VPS13B: variants seen among roughly 807,000 people sequenced by gnomAD.
The protein encoded by VPS13B is vacuolar protein sorting 13 homolog B.
VPS13B carries 285 observed loss-of-function variants against 426.4 expected under a neutral mutation model. The ratio of observed to expected loss-of-function variants is 0.67; its 90% CI spans 0.61 to 0.74. The LOEUF (loss-of-function observed/expected upper bound fraction) is 0.74. VPS13B is among the 30% of genes least tolerant of loss of function. The pLI is 0.00. For missense variants in VPS13B, 4,537 were observed against 4,782.6 expected, an observed-to-expected ratio of 0.95 and a Z score of 1.51; for synonymous variants, 1,676 against 1,676.4, an observed-to-expected ratio of 1.00 and a Z score of 0.01.
intron 2 of VPS13B, among the ~76,000 whole-genome samples, chr8:99,028,840 GGGGGGCTGACCCCTTAAGTTAGCGCTTAT>G (rs773029335): frequency 0.85 from 8,167 of 9,626 alleles, 3,781 homozygotes; most frequent in Middle Eastern, 1. Context: ...CTGGCCGGGC[GGGGGGCTGACCCCTTAAGTTAGCGCTTAT>G]GGGGGCTGAC....
intron 21 of VPS13B, among the ~76,000 whole-genome samples, chr8:99,418,808 T>G (rs117772782): frequency 1.3e-3 from 194 of 152,334 alleles, no homozygotes; most frequent in Non-Finnish European, 2.4e-3. Flanking sequence ...GCCTGGTTTC[T>G]CTTCTGAGGA....
chr8:99,346,671 G>T, intron 19 of VPS13B: 1 of 178,444 alleles, frequency 5.6e-6, no homozygotes, highest in South Asian at 1.5e-4. Context: ...CTTGTCAAAA[G>T]GCTCCAGGAG....
intron 17 of VPS13B, among the ~76,000 whole-genome samples, chr8:99,270,282 G>A (rs1448279341): frequency 1.3e-5 from 2 of 150,954 alleles, no homozygotes; most frequent in East Asian, 2.0e-4. Context: ...GGAATTACAG[G>A]TGCTTGCCAC....
chr8:99,048,870 T>C (rs1843371349), intron 3 of VPS13B, among the ~76,000 whole-genome samples: 1 of 152,056 alleles, frequency 6.6e-6, no homozygotes, highest in Admixed American at 6.6e-5. Context: ...GTATTTAGGA[T>C]TCTGATATTT....
intron 35 of VPS13B, among the ~76,000 whole-genome samples, chr8:99,672,966 T>G (rs1446919019): frequency 1.3e-5 from 2 of 151,800 alleles, no homozygotes; most frequent in Non-Finnish European, 3.0e-5. Context: ...CATATGTTGA[T>G]CATACCTGTG....
intron 17 of VPS13B, among the ~76,000 whole-genome samples, chr8:99,237,460 G>A (rs1816704428): frequency 6.6e-6 from 1 of 152,058 alleles, no homozygotes; most frequent in South Asian, 2.1e-4. Context: ...TAAGCAACCA[G>A]GCTAATGTAA....
chr8:99,817,392 A>G, intron 44 of VPS13B, 148 bp from the exon 45 acceptor site: 1 of 1,084,846 alleles, frequency 9.2e-7, no homozygotes, highest in Non-Finnish European at 1.3e-6. Context: ...CTTGACTTCA[A>G]GTCTTTTTTC....
chr8:99,069,591 A>G (rs2132329337), intron 3 of VPS13B, among the ~76,000 whole-genome samples: 1 of 152,362 alleles, frequency 6.6e-6, no homozygotes, highest in East Asian at 1.9e-4. Context: ...GCATCTGTAT[A>G]CACAGATATT....
Position 99,208,175 on chromosome 8 carries a change from G to A in VPS13B, c.2515+15118G>A, listed in dbSNP as rs565315073. ...GAGCAAAAGAGAGAGTTGGGAGGAGGTGTCATGCACTTTAAAACAACATCT... is the reference window on the plus strand; with the variant it reads ...GAGCAAAAGAGAGAGTTGGGAGGAGATGTCATGCACTTTAAAACAACATCT... On this transcript the variant is annotated intron_variant, in intron 17 of 61. Coordinates refer to ENST00000357162, the MANE Select transcript of VPS13B (RefSeq NM_152564.5). Among the ~76,000 whole-genome samples, 46 of 152,228 alleles carry A rather than the reference G, an allele frequency of 3.0e-4. 1 individual carries two copies. The highest frequency in any genetic ancestry group is 2.7e-3 in the Admixed American group (41 of 15,294).
At chr8:99,455,110 A>G (rs996025924) in intron 23 of VPS13B, among the ~76,000 whole-genome samples, 7 of 152,112 alleles carry the variant, frequency 4.6e-5, no homozygotes, top group African/African-American at 1.7e-4. Flanking sequence ...TAATTTTAGT[A>G]AAGTCCAGCT....
intron 23 of VPS13B, among the ~76,000 whole-genome samples, chr8:99,454,595 C>T (rs906359610): frequency 6.6e-6 from 1 of 152,144 alleles, no homozygotes; most frequent in African/African-American, 2.4e-5. Flanking sequence ...CGCTATATAC[C>T]TCCATCTGCA....
At chr8:99,197,752 A>G (rs917158028) in intron 17 of VPS13B, among the ~76,000 whole-genome samples, 2 of 152,108 alleles carry the variant, frequency 1.3e-5, no homozygotes, top group African/African-American at 4.8e-5. Flanking sequence ...CTTCAGCTGC[A>G]TTTGATAGGT....
intron 35 of VPS13B, among the ~76,000 whole-genome samples, chr8:99,691,575 C>G (rs868618363): frequency 7.3e-5 from 11 of 151,650 alleles, no homozygotes; most frequent in African/African-American, 2.7e-4. Context: ...ACAGTGTCAG[C>G]CGCTGCAAAA....
chr8:99,026,516 G>A (rs573708577), intron 2 of VPS13B, among the ~76,000 whole-genome samples: 9 of 152,270 alleles, frequency 5.9e-5, no homozygotes, highest in South Asian at 4.1e-4. Context: ...TTCTGCCAGC[G>A]ATCTGTTCAA....
chr8:99,090,276 T>A (rs541421359), intron 3 of VPS13B, among the ~76,000 whole-genome samples: 8 of 151,614 alleles, frequency 5.3e-5, no homozygotes, highest in Admixed American at 5.3e-4. Context: ...ACTTTTTTTT[T>A]TTTTTTTTTC....
At chr8:99,446,106 G>A (rs1038318394) in intron 23 of VPS13B, among the ~76,000 whole-genome samples, 1 of 152,204 alleles carries the variant, frequency 6.6e-6, no homozygotes, top group Admixed American at 6.5e-5. Context: ...TAGTGCTTTA[G>A]TAGTCATTCC....
At chr8:99,282,825 GA>G (rs1282288051) in intron 19 of VPS13B, among the ~76,000 whole-genome samples, 1 of 151,950 alleles carries the variant, frequency 6.6e-6, no homozygotes, top group Non-Finnish European at 1.5e-5. Flanking sequence ...ATTTGTTTCA[GA>G]ATTAAGTAGT....
chr8:99,102,982 G>A lies in VPS13B; in HGVS notation c.442G>A (p.Val148Ile), dbSNP rs1398217635. Residue 148 changes from valine to isoleucine, a missense_variant, in exon 5 of 62, where the codon GTA (valine) becomes ATA (isoleucine). Around this residue, in one of 2 missense-constraint regions of VPS13B, gnomAD observed 226 missense variants for 308.3 expected, o/e 0.73. Coordinates refer to ENST00000357162, the MANE Select transcript of VPS13B (RefSeq NM_152564.5). Reference protein sequence around the residue: ...GYVQSLIRRVVNNVNIVINNL... With the variant: ...GYVQSLIRRVINNVNIVINNL... ...TGTGCAGAGTCTGATTAGACGAGTT[G>A]TAAATAATGTAAACATTGTGATAAA... 1 of 1,611,104 alleles carries A rather than the reference G, an allele frequency of 6.2e-7. No individual in the cohort carries two copies. The highest frequency in any genetic ancestry group is 8.5e-7 in the Non-Finnish European group (1 of 1,177,710).
chr8:99,492,947 G>A (rs903569374), intron 25 of VPS13B, among the ~76,000 whole-genome samples: 5 of 152,182 alleles, frequency 3.3e-5, no homozygotes, highest in Non-Finnish European at 7.4e-5. Flanking sequence ...CATCTTCTGC[G>A]TCGATCTCAC....
Sources: allele counts gnomAD v4.1 joint callset (sites outside exome capture counted in the v4.1 genomes callset), GRCh38; gene constraint gnomAD v4.1.1; regional missense constraint gnomAD v4.1.1; transcripts MANE v1.5; gene names NCBI Gene and HGNC (gene_info 2026-07-23, HGNC 2026-07-21).